The following LCORL variants were observed in gnomAD, a reference collection of about 807,000 sequenced individuals.
LCORL encodes the protein ligand-dependent nuclear receptor corepressor-like protein.
In LCORL, 41 loss-of-function variants were observed where a neutral mutation model predicts 141.8. The ratio of observed to expected loss-of-function variants is 0.29; its 90% confidence interval spans 0.23 to 0.38. The LOEUF is 0.38. LCORL is among the 10% of genes least tolerant of loss of function. LCORL has a pLI of 1.00. For synonymous variants in LCORL, 618 were observed against 694.1 expected, an observed-to-expected ratio of 0.89 and a Z score of 1.72; for missense variants, 1,759 against 2,035.0, an observed-to-expected ratio of 0.86 and a Z score of 2.61.
At chr4:17,980,425 C>T (rs776826913) in intron 1 of LCORL, among the ~76,000 whole-genome samples, 6 of 152,128 alleles carry the variant, frequency 3.9e-5, no homozygotes, top group East Asian at 1.9e-4. Context: ...CACAGCTTAA[C>T]GTAAAGACAA....
At chr4:17,903,804 T>C (rs763970191) in intron 5 of LCORL, among the ~76,000 whole-genome samples, 11 of 152,038 alleles carry the variant, frequency 7.2e-5, no homozygotes, top group Non-Finnish European at 1.0e-4. Flanking sequence ...GGATGGAAAC[T>C]GACTTATGAA....
At chr4:17,877,544 T>C in exon 7 of LCORL, 1 of 1,230,614 alleles carries the variant, frequency 8.1e-7, no homozygotes, top group Non-Finnish European at 1.0e-6. Flanking sequence ...TGCTGATTTC[T>C]GCTGGTGTGA....
chr4:17,976,421 T>C (rs1247138923), intron 1 of LCORL, among the ~76,000 whole-genome samples: 1 of 152,138 alleles, frequency 6.6e-6, no homozygotes, highest in Admixed American at 6.5e-5. Context: ...TAGCCATACC[T>C]CTTCTAGTTT....
At chr4:17,878,017 T>C in exon 7 of LCORL, 6 of 1,230,538 alleles carry the variant, frequency 4.9e-6, no homozygotes, top group Non-Finnish European at 6.1e-6. Flanking sequence ...ATTAAGGGCT[T>C]TTGAGATTCT....
chr4:17,963,915 GGT>G (rs2109613773), intron 2 of LCORL, among the ~76,000 whole-genome samples: 1 of 152,006 alleles, frequency 6.6e-6, no homozygotes, highest in South Asian at 2.1e-4. Context: ...GAAAAACACT[GGT>G]CTATCACTGC....
At chr4:17,859,408 T>A (rs1435470164) in intron 7 of LCORL, among the ~76,000 whole-genome samples, 1 of 152,150 alleles carries the variant, frequency 6.6e-6, no homozygotes, top group Non-Finnish European at 1.5e-5. Context: ...ATATCCATAT[T>A]CAGGAAAAAT....
intron 5 of LCORL, chr4:17,893,271 G>C: frequency 1.7e-6 from 1 of 571,914 alleles, no homozygotes; most frequent in Non-Finnish European, 2.2e-6. Flanking sequence ...AATTTGTCCT[G>C]AAGTAAAAAT....
At chr4:17,973,843 T>C (rs1322967167) in intron 1 of LCORL, among the ~76,000 whole-genome samples, 2 of 152,030 alleles carry the variant, frequency 1.3e-5, no homozygotes, top group African/African-American at 4.8e-5. Flanking sequence ...TCTACTGTCA[T>C]AGTAAAAAAC....
intron 4 of LCORL, among the ~76,000 whole-genome samples, chr4:17,911,209 A>G (rs1732460545): frequency 6.6e-6 from 1 of 152,224 alleles, no homozygotes; most frequent in Non-Finnish European, 1.5e-5. Flanking sequence ...AGTAAATGTT[A>G]GCTGTTAGTA....
intron 2 of LCORL, among the ~76,000 whole-genome samples, chr4:17,970,066 T>C (rs926587964): frequency 1.3e-5 from 2 of 152,270 alleles, no homozygotes; most frequent in African/African-American, 4.8e-5. Context: ...ATCACCACTA[T>C]CACTTCCTTA....
At chr4:17,894,821 C>T (rs766801675) in intron 5 of LCORL, among the ~76,000 whole-genome samples, 6 of 151,998 alleles carry the variant, frequency 3.9e-5, no homozygotes, top group African/African-American at 9.7e-5. Context: ...TGAGAACCAG[C>T]GGTCTAATAA....
At chr4:17,842,312 C>T in exon 8 of LCORL, 1 of 1,611,468 alleles carries the variant, frequency 6.2e-7, no homozygotes, top group East Asian at 2.2e-5. Flanking sequence ...TCTTCAAGGA[C>T]AGAGAAAAGT....
exon 8 of LCORL, chr4:17,841,873 ACCTT>A (rs1399623047): frequency 6.4e-6 from 1 of 155,370 alleles, no homozygotes. Flanking sequence ...ATGTTTTATC[ACCTT>A]CCAAGAAAAA....
At chr4:17,913,644 C>A (rs1025192744) in intron 4 of LCORL, among the ~76,000 whole-genome samples, 6 of 152,188 alleles carry the variant, frequency 3.9e-5, no homozygotes, top group African/African-American at 1.4e-4. Context: ...ACCAGGGTGT[C>A]CGCCACAACA....
intron 1 of LCORL, among the ~76,000 whole-genome samples, chr4:18,006,677 A>G (rs1284463277): frequency 6.6e-6 from 1 of 152,116 alleles, no homozygotes; most frequent in Non-Finnish European, 1.5e-5. Context: ...TCCCCTTTTT[A>G]AAACCATCAG....
chr4:17,962,991 G>A (rs761869770), exon 3 of LCORL: 3 of 1,594,268 alleles, frequency 1.9e-6, no homozygotes, highest in South Asian at 1.1e-5. Flanking sequence ...CTCTCTGTAG[G>A]TTACAAAATG....
At chr4:17,927,560 A>G (rs1336129258) in intron 4 of LCORL, among the ~76,000 whole-genome samples, 1 of 152,152 alleles carries the variant, frequency 6.6e-6, no homozygotes, top group Non-Finnish European at 1.5e-5. Flanking sequence ...TTGATTTAAA[A>G]TAAGAGGCAT....
chr4:17,926,106 G>GT (rs1267065503), intron 4 of LCORL, among the ~76,000 whole-genome samples: 1 of 152,112 alleles, frequency 6.6e-6, no homozygotes, highest in Non-Finnish European at 1.5e-5. Context: ...TTACATTACT[G>GT]TCTTTATTTG....
intron 4 of LCORL, among the ~76,000 whole-genome samples, chr4:17,956,798 T>C (rs1712738615): frequency 6.6e-6 from 1 of 152,036 alleles, no homozygotes; most frequent in African/African-American, 2.4e-5. Context: ...TGTGAAATGT[T>C]CTCAACACAA....
Sources: gnomAD v4.1 joint callset for allele counts (sites outside exome capture counted in the v4.1 genomes callset) on GRCh38, gnomAD v4.1.1 for gene constraint, MANE v1.5 for transcripts, NCBI Gene and HGNC (gene_info 2026-07-23, HGNC 2026-07-21) for gene names.